Variants in GPC5 observed in about 807,000 individuals in gnomAD.
GPC5 encodes the protein glypican-5.
Under a neutral mutation model 53.9 loss-of-function variants are expected in GPC5, and 47 were observed. The observed-to-expected ratio is 0.87, with a 90% CI of 0.69 to 1.11. The LOEUF is 1.11. GPC5 is among the 50% of genes most tolerant of loss of function. GPC5 has a pLI of 0.00. For missense variants in GPC5, 748 were observed against 713.1 expected, an observed-to-expected ratio of 1.05 and a Z score of -0.56; for synonymous variants, 286 against 263.3, an observed-to-expected ratio of 1.09 and a Z score of -0.84.
chr13:91,571,892 T>TGTGTGTACACAC, intron 2 of GPC5, among the ~76,000 whole-genome samples: 1 of 73,046 alleles, frequency 1.4e-5, no homozygotes, highest in African/African-American at 1.0e-4. Flanking sequence ...TATACGTGTG[T>TGTGTGTACACAC]ATATACACAT....
At chr13:92,828,750 C>A (rs1181069425) in intron 7 of GPC5, among the ~76,000 whole-genome samples, 1 of 152,042 alleles carries the variant, frequency 6.6e-6, no homozygotes, top group African/African-American at 2.4e-5. Context: ...AGTGTTCCGC[C>A]TCACATTCAA....
chr13:91,892,765 G>A (rs1026482271), intron 5 of GPC5, among the ~76,000 whole-genome samples: 8 of 151,860 alleles, frequency 5.3e-5, no homozygotes, highest in Non-Finnish European at 8.9e-5. Flanking sequence ...TTATGTTTCA[G>A]TTTTGTATCT....
intron 7 of GPC5, among the ~76,000 whole-genome samples, chr13:92,543,800 A>G (rs1431186599): frequency 6.6e-6 from 1 of 152,096 alleles, no homozygotes; most frequent in Non-Finnish European, 1.5e-5. Flanking sequence ...AACTCTTTCT[A>G]TATATTTAAA....
chr13:92,716,508 G>A (rs572640195), intron 7 of GPC5, among the ~76,000 whole-genome samples: 189 of 151,594 alleles, frequency 1.2e-3, no homozygotes, highest in Non-Finnish European at 2.4e-3. Context: ...CATTGTAATG[G>A]CCATTTGTTT....
At chr13:91,689,526 G>A (rs957418953) in intron 2 of GPC5, among the ~76,000 whole-genome samples, 3 of 150,712 alleles carry the variant, frequency 2.0e-5, no homozygotes, top group Non-Finnish European at 4.4e-5. Flanking sequence ...TTGATTTTTT[G>A]TAGTAACATT....
chr13:92,505,517 T>C (rs1880335489), intron 7 of GPC5, among the ~76,000 whole-genome samples: 1 of 152,030 alleles, frequency 6.6e-6, no homozygotes, highest in Non-Finnish European at 1.5e-5. Context: ...CATTGGGAAA[T>C]GAAAATGATA....
intron 2 of GPC5, among the ~76,000 whole-genome samples, chr13:91,580,952 A>G (rs1411102964): frequency 6.6e-6 from 1 of 152,232 alleles, no homozygotes; most frequent in African/African-American, 2.4e-5. Flanking sequence ...ACCTTCAATC[A>G]TGGTGGAAGA....
intron 7 of GPC5, among the ~76,000 whole-genome samples, chr13:92,290,249 A>G (rs1485502591): frequency 6.6e-6 from 1 of 152,222 alleles, no homozygotes; most frequent in Admixed American, 6.5e-5. Context: ...ATTGCTGTAA[A>G]AATTTAAGCA....
intron 6 of GPC5, among the ~76,000 whole-genome samples, chr13:92,065,178 A>G (rs2041158310): frequency 6.6e-6 from 1 of 152,186 alleles, no homozygotes; most frequent in South Asian, 2.1e-4. Flanking sequence ...TTAAAAATGT[A>G]TTAACCAAAT....
intron 5 of GPC5, among the ~76,000 whole-genome samples, chr13:91,886,274 A>T (rs1406258653): frequency 6.6e-6 from 1 of 152,138 alleles, no homozygotes; most frequent in Non-Finnish European, 1.5e-5. Context: ...AGACTTATTC[A>T]CTATCATGAG....
chr13:92,016,122 G>A (rs1594725212), intron 6 of GPC5, among the ~76,000 whole-genome samples: 1 of 152,194 alleles, frequency 6.6e-6, no homozygotes, highest in Non-Finnish European at 1.5e-5. Context: ...CAAGAAAGTG[G>A]TTACTGGGAG....
chr13:91,628,167 G>A (rs949908776), intron 2 of GPC5, among the ~76,000 whole-genome samples: 6 of 152,042 alleles, frequency 3.9e-5, no homozygotes, highest in African/African-American at 7.2e-5. Flanking sequence ...CTATGTATCA[G>A]CATTCTGAAC....
chr13:91,708,388 ATTACT>A (rs200658142), intron 3 of GPC5, among the ~76,000 whole-genome samples: 2,715 of 151,730 alleles, frequency 0.018, 79 homozygotes, highest in African/African-American at 0.06. Context: ...CTCCTAATTA[ATTACT>A]TTAACACGGT....
chr13:92,549,137 G>A (rs1882223946), intron 7 of GPC5, among the ~76,000 whole-genome samples: 1 of 151,972 alleles, frequency 6.6e-6, no homozygotes, highest in Admixed American at 6.6e-5. Context: ...GCTAACTATA[G>A]GGACCTCTTT....
chr13:91,815,897 C>T (rs1370779360), intron 5 of GPC5, among the ~76,000 whole-genome samples: 2 of 152,084 alleles, frequency 1.3e-5, no homozygotes, highest in East Asian at 1.9e-4. Context: ...TCCCTCATGC[C>T]ACTCCTCCCT....
At chr13:91,901,378 C>T (rs1469482411) in intron 5 of GPC5, among the ~76,000 whole-genome samples, 1 of 152,008 alleles carries the variant, frequency 6.6e-6, no homozygotes, top group African/African-American at 2.4e-5. Context: ...CCACAGATGT[C>T]TCCTTTCTCT....
At chr13:92,761,649 T>A (rs1011620320) in intron 7 of GPC5, among the ~76,000 whole-genome samples, 1 of 152,174 alleles carries the variant, frequency 6.6e-6, no homozygotes, top group African/African-American at 2.4e-5. Flanking sequence ...TATACTCAGA[T>A]CTTATTTTAG....
chr13:91,917,913 A>G lies in GPC5; in HGVS notation c.1401+9856A>G, dbSNP rs568951947. Among the ~76,000 whole-genome samples the G allele has an allele frequency of 7.7e-4, 117 of 152,306 alleles. 2 individuals are homozygous for G. The highest frequency in any genetic ancestry group is 6.3e-4 in the Non-Finnish European group (43 of 68,024). On this transcript the variant is annotated intron_variant, in intron 6 of 7. Coordinates refer to ENST00000377067, the MANE Select transcript of GPC5 (RefSeq NM_004466.6). ...CAAACTGTGTCAACCTCTGTTTCCC[A>G]GTTCCAAAGTCACTTCCACATTTTC...
chr13:92,560,073 T>C (rs1258605917), intron 7 of GPC5, among the ~76,000 whole-genome samples: 1 of 151,886 alleles, frequency 6.6e-6, no homozygotes, highest in Non-Finnish European at 1.5e-5. Flanking sequence ...AATATGACTT[T>C]ATTGGCATGA....
Sources: gnomAD v4.1 joint callset for allele counts (sites outside exome capture counted in the v4.1 genomes callset) on GRCh38, gnomAD v4.1.1 for gene constraint, MANE v1.5 for transcripts, NCBI Gene and HGNC (gene_info 2026-07-23, HGNC 2026-07-21) for gene names.